OTOG: variants seen among roughly 807,000 people sequenced by gnomAD.
OTOG encodes the protein otogelin.
A neutral mutation model predicts 313.8 loss-of-function variants in OTOG; 296 were observed. The observed-to-expected ratio is 0.94, with a 90% CI of 0.86 to 1.04. The LOEUF is 1.04. OTOG is among the 50% of genes least tolerant of loss of function. The probability of loss-of-function intolerance (pLI) is 0.00; values close to 1 mark genes in which losing one functional copy is unlikely to be tolerated. For missense variants in OTOG, 3,948 were observed against 3,840.1 expected (o/e 1.03, Z -0.74); for synonymous variants, 1,533 against 1,554.9 (o/e 0.99, Z 0.33).
At position 17,645,952 on chromosome 11, in the gene OTOG, G is replaced by C; in HGVS notation, c.*8G>C. The C allele has an allele frequency of 6.5e-7, 1 of 1,547,958 alleles. No individual in the cohort carries two copies. The highest frequency in any genetic ancestry group is 8.7e-7 in the Non-Finnish European group (1 of 1,146,928). On this transcript the variant is annotated 3_prime_UTR_variant, in exon 56 of 56. Transcript: ENST00000399397. ...GCCTGCCAGTGGTCCTGAGGCCTGG[G>C]GGCCCGGGCTAGCTGGACCACCTCT... is the stretch of plus-strand genomic sequence containing the variant.
intron 49 of OTOG, 140 bp downstream of exon 49, chr11:17,639,603 T>C: frequency 1.2e-6 from 1 of 812,384 alleles, no homozygotes; most frequent in Non-Finnish European, 2.0e-6. Context: ...TCCCAAGCTC[T>C]GCCACTGGCT....
chr11:17,641,847 A>T lies in OTOG; in HGVS notation c.8191A>T (p.Asn2731Tyr). Residue 2731 changes from asparagine to tyrosine, a missense_variant and splice_region_variant, in exon 52 of 56, where the codon AAC becomes TAC. By Grantham distance (143) the Asn-to-Tyr change is moderately radical. Coordinates refer to ENST00000399397, the MANE Select transcript of OTOG (RefSeq NM_001292063.2). Reference protein sequence around the residue: ...SVLCDIHCEANQEYEHPRDLA... With the variant: ...SVLCDIHCEAYQEYEHPRDLA... ...AGGCCCACCCCGCCCTGGCCTGTAG[A>T]ACCAGGAGTACGAGCACCCGCGGGA... The T allele has an allele frequency of 6.5e-7, 1 of 1,548,868 alleles. No homozygotes were observed. The highest frequency in any genetic ancestry group is 8.7e-7 in the Non-Finnish European group (1 of 1,145,986).
intron 23 of OTOG, among the ~76,000 whole-genome samples, chr11:17,578,858 C>G (rs1251754578): frequency 6.6e-6 from 1 of 152,324 alleles, no homozygotes; most frequent in African/African-American, 2.4e-5. Context: ...ACGCTGGGCA[C>G]TGCAGTGCGT....
chr11:17,639,286 C>T, intron 48 of OTOG, 137 bp from the exon 49 acceptor site: 2 of 875,792 alleles, frequency 2.3e-6, no homozygotes, highest in Non-Finnish European at 1.8e-6. Flanking sequence ...GGGCCTCTTC[C>T]TCTCCTCTCC....
At chr11:17,640,632 C>G (rs7933072) in intron 49 of OTOG, 113 bp from the exon 50 acceptor site, 5 of 1,175,222 alleles carry the variant, frequency 4.3e-6, no homozygotes, top group Admixed American at 4.8e-5. Flanking sequence ...GCCAGCCCCC[C>G]TCCTGCCCAC....
intron 23 of OTOG, among the ~76,000 whole-genome samples, chr11:17,581,802 C>T (rs1852673587): frequency 6.6e-6 from 1 of 152,170 alleles, no homozygotes; most frequent in Non-Finnish European, 1.5e-5. Flanking sequence ...TAATGTTTAT[C>T]TATTCTAGAT....
chr11:17,618,721 G>A (rs1219679781), intron 39 of OTOG, among the ~76,000 whole-genome samples: 1 of 151,946 alleles, frequency 6.6e-6, no homozygotes, highest in Non-Finnish European at 1.5e-5. Flanking sequence ...CACATATATT[G>A]AAATTCTGTT....
intron 29 of OTOG, among the ~76,000 whole-genome samples, chr11:17,596,508 C>T (rs1352772233): frequency 6.6e-6 from 1 of 152,254 alleles, no homozygotes; most frequent in African/African-American, 2.4e-5. Flanking sequence ...GGGCTCAGCA[C>T]TGCATGGCAC....
intron 39 of OTOG, 130 bp from the exon 40 acceptor site, chr11:17,629,003 A>G: frequency 1.1e-6 from 1 of 907,370 alleles, no homozygotes; most frequent in South Asian, 1.8e-5. Flanking sequence ...CACATAGCAG[A>G]TGCCTAATAA....
chr11:17,623,455 T>G (rs1853912488), intron 39 of OTOG, among the ~76,000 whole-genome samples: 1 of 152,196 alleles, frequency 6.6e-6, no homozygotes, highest in Non-Finnish European at 1.5e-5. Flanking sequence ...TCTCCATCCA[T>G]GTTTCTGCAG....
In OTOG at chr11:17,570,395, G is replaced by T. The variant is rs545244887; in HGVS notation, c.1955+5G>T. 9.7e-6 allele frequency: 15 copies of T among 1,549,926 alleles called. No individual in the cohort carries two copies. The South Asian group carries it at 1.2e-4, about 12-fold the overall frequency. ...CAACACGCAGGATGACTTCCTGTAC[G>T]TAGCCCTGCCACGGAACCCGAAGAA... is the stretch of plus-strand genomic sequence containing the variant. On this transcript the variant is annotated splice_donor_5th_base_variant and intron_variant, in intron 17 of 55. Transcript: ENST00000399397.
intron 39 of OTOG, among the ~76,000 whole-genome samples, chr11:17,617,884 A>G (rs572376978): frequency 8.7e-5 from 13 of 149,710 alleles, no homozygotes; most frequent in Non-Finnish European, 1.6e-4. Context: ...GAAGAAGCCT[A>G]TGTCATTAAT....
Position 17,632,226 on chromosome 11 carries a change from C to T in OTOG, c.7072C>T (p.Pro2358Ser), listed in dbSNP as rs1216988583. 14 of 1,548,842 alleles carry T rather than the reference C, an allele frequency of 9.0e-6. No homozygotes were observed. Among genetic ancestry groups the T allele is most frequent in the Non-Finnish European group, 1.0e-5 (12 of 1,145,590 alleles). Residue 2358 changes from proline (P) to serine (S), a missense_variant and splice_region_variant, in exon 42 of 56, where the codon CCC (proline) becomes TCC (serine). Physicochemically the swap from Pro to Ser is moderately conservative, Grantham distance 74. Transcript: ENST00000399397. ...CGAGTGGCGGCGCTCTGACTACTGC[C>T]GTGAGTTTGCGGGGCAGGGGGACCC... is the stretch of plus-strand genomic sequence containing the variant. ...CIEWRRSDYC[P>S]FLCSSDSTYQ...
intron 33 of OTOG, 44 bp from the exon 34 acceptor site, chr11:17,608,252 T>G: frequency 1.5e-6 from 2 of 1,314,916 alleles, no homozygotes; most frequent in Non-Finnish European, 2.1e-6. Flanking sequence ...ACTCCCTCTG[T>G]GTCTTCACCT....
intron 29 of OTOG, among the ~76,000 whole-genome samples, 183 bp from the exon 30 acceptor site, chr11:17,596,668 G>A (rs368109999): frequency 2.6e-5 from 4 of 152,182 alleles, no homozygotes; most frequent in African/African-American, 9.7e-5. Flanking sequence ...TCTCAAAAGT[G>A]GACATCTGCC....
At position 17,633,913 on chromosome 11, in the gene OTOG, C is replaced by T. The variant is rs1253113787; in HGVS notation, c.7267+39C>T. 4.0e-6 allele frequency: 6 copies of T among 1,497,164 alleles called. No individual in the cohort carries two copies. The African/African-American group carries it at 5.5e-5, about 14-fold the overall frequency. 92.7% of individuals were successfully genotyped at this position (1,497,164 alleles called of 1,614,324 possible). ...CTCCCTGAGTGGGGGGCCTCCAAAG[C>T]CAGCCTCAGCCTCGCCTCCTGCTGT... On this transcript the variant is annotated intron_variant, in intron 43 of 55. Transcript: ENST00000399397.
intron 25 of OTOG, among the ~76,000 whole-genome samples, chr11:17,592,343 C>CT (rs754217643): frequency 1.3e-5 from 2 of 152,204 alleles, no homozygotes; most frequent in Non-Finnish European, 2.9e-5. Flanking sequence ...AGGGCAGGCA[C>CT]TGTACTGGGG....
chr11:17,590,750 T>C (rs1321067321), intron 24 of OTOG, among the ~76,000 whole-genome samples: 1 of 152,212 alleles, frequency 6.6e-6, no homozygotes, highest in African/African-American at 2.4e-5. Context: ...GCCCTTGCCC[T>C]CTCCATTCTA....
chr11:17,600,122 A>T (rs16934477), intron 31 of OTOG, among the ~76,000 whole-genome samples: 1 of 152,212 alleles, frequency 6.6e-6, no homozygotes, highest in African/African-American at 2.4e-5. Flanking sequence ...GGAACAAAAC[A>T]TGTGGCCTGC....
Sources: gnomAD v4.1 joint callset for allele counts (sites outside exome capture counted in the v4.1 genomes callset) on GRCh38, gnomAD v4.1.1 for gene constraint, MANE v1.5 for transcripts, NCBI Gene and HGNC (gene_info 2026-07-23, HGNC 2026-07-21) for gene names.